ZNF154: variants seen among roughly 807,000 people sequenced by gnomAD.
ZNF154 encodes the protein zinc finger protein 154.
In ZNF154, 6 loss-of-function variants were observed where a neutral mutation model predicts 7.5. The ratio of observed to expected loss-of-function variants is 0.80; its 90% CI spans 0.44 to 1.57. ZNF154 has a LOEUF of 1.57. Ranked by LOEUF, ZNF154 falls within the 40% of genes most tolerant of loss-of-function variation. The pLI is 0.01. For synonymous variants in ZNF154, 187 were observed against 185.9 expected, an observed-to-expected ratio of 1.01 and a Z score of -0.05; for missense variants, 485 against 531.4, an observed-to-expected ratio of 0.91 and a Z score of 0.86.
In ZNF154 at chr19:57,699,476, TG is replaced by T; in HGVS notation, c.*2158del. ...ATTTGGCCCAGGAACTGCTAACGAA[TG>T]TACAGTGCAGTGGTGGTTCAAGAAG... On this transcript the variant is annotated 3_prime_UTR_variant, in exon 3 of 3. Coordinates refer to ENST00000684351, the MANE Select transcript of ZNF154 (RefSeq NM_001085384.3). 1 of 365,536 alleles carries T rather than the reference TG, an allele frequency of 2.7e-6. No homozygotes were observed. Among genetic ancestry groups the T allele is most frequent in the South Asian group, 2.1e-5 (1 of 48,568 alleles). 22.6% of individuals were successfully genotyped at this position (365,536 alleles called of 1,614,324 possible). A position where few individuals can be genotyped will look rare whatever the true frequency, so the allele number is the denominator to read the frequency against.
intron 1 of ZNF154, among the ~76,000 whole-genome samples, chr19:57,706,327 C>G (rs927903171): frequency 6.6e-6 from 1 of 152,136 alleles, no homozygotes; most frequent in Non-Finnish European, 1.5e-5. Flanking sequence ...ATCTCAGATA[C>G]CCATGGCCCT....
In ZNF154 at chr19:57,708,960, G is replaced by A; in HGVS notation, c.12C>T (p.Ala4=). MAA[A]TLRTPTQGTV... The stretch of plus-strand genomic sequence containing the variant: ...TCACCTGAGTTGGCGTCCTCAGAGT[G>A]GCCGCTGCCATCAGACTCTGCGGGT... Residue 4 remains alanine, a synonymous_variant, in exon 1 of 3, where the codon GCC becomes GCT. Coordinates refer to ENST00000684351, the MANE Select transcript of ZNF154 (RefSeq NM_001085384.3). 1 of 1,560,662 alleles carries A rather than the reference G, an allele frequency of 6.4e-7. No homozygotes were observed.
intron 1 of ZNF154, among the ~76,000 whole-genome samples, chr19:57,706,179 C>T (rs749611932): frequency 1.3e-5 from 2 of 152,122 alleles, no homozygotes; most frequent in African/African-American, 2.4e-5. Flanking sequence ...AGAGTATGCT[C>T]GACAGATTCA....
rs762314351 is a variant in ZNF154 at position 57,702,388 on chromosome 19, C to G, written c.561G>C (p.Lys187Asn). The G allele has an allele frequency of 1.2e-6, 2 of 1,612,816 alleles. No individual in the cohort carries two copies. Among genetic ancestry groups the G allele is most frequent in the South Asian group, 2.2e-5 (2 of 91,034 alleles). The change falls in exon 3 of 3, where the codon AAG becomes AAC. Residue 187 changes from lysine (K) to asparagine (N), a missense_variant. Lys to Asn is a moderately conservative substitution (Grantham distance 94). Coordinates refer to ENST00000684351, the MANE Select transcript of ZNF154 (RefSeq NM_001085384.3). Reference protein sequence around the residue: ...NDHWRLHTGEKPYECRECGKS... With the variant: ...NDHWRLHTGENPYECRECGKS... ...TCCCACACTCTCGACATTCATAAGGCTTTTCTCCAGTGTGAAGTCTCCAAT... is the reference window on the plus strand; with the variant it reads ...TCCCACACTCTCGACATTCATAAGGGTTTTCTCCAGTGTGAAGTCTCCAAT...
chr19:57,707,908 A>G (rs1295363173), intron 1 of ZNF154, among the ~76,000 whole-genome samples: 1 of 152,194 alleles, frequency 6.6e-6, no homozygotes, highest in African/African-American at 2.4e-5. Flanking sequence ...TCTCCAGGGC[A>G]CCAGACCCAG....
chr19:57,697,156 T>C lies in ZNF154; in HGVS notation c.*4479A>G, dbSNP rs73575252. Among the ~76,000 whole-genome samples, 3,869 of 152,318 alleles carry C rather than the reference T, an allele frequency of 0.025. 169 individuals are homozygous for C. The highest frequency in any genetic ancestry group is 0.087 in the African/African-American group (3,607 of 41,552). The stretch of plus-strand genomic sequence containing the variant: ...CCTTGCAATTTCTTAGTGGATTGTC[T>C]GTGATGTGCATCACATTCTGGTTTA... On this transcript the variant is annotated 3_prime_UTR_variant, in exon 3 of 3. Coordinates refer to ENST00000684351, the MANE Select transcript of ZNF154 (RefSeq NM_001085384.3).
chr19:57,704,822 C>A, intron 2 of ZNF154, 31 bp downstream of exon 2: 1 of 1,604,178 alleles, frequency 6.2e-7, no homozygotes, highest in Non-Finnish European at 8.5e-7. Flanking sequence ...CAGACTAGCT[C>A]AGGGCACAGG....
Position 57,700,839 on chromosome 19 carries a change from C to G in ZNF154, c.*796G>C, listed in dbSNP as rs1177245475. ...AGCTATATTCTGCCATCCTACTGTCCCTGTCCCTGTCCCTGTTGAGCTACA... is the reference window on the plus strand; with the variant it reads ...AGCTATATTCTGCCATCCTACTGTCGCTGTCCCTGTCCCTGTTGAGCTACA... On this transcript the variant is annotated 3_prime_UTR_variant, in exon 3 of 3. Coordinates refer to ENST00000684351, the MANE Select transcript of ZNF154 (RefSeq NM_001085384.3). 2 of 151,596 alleles carry G rather than the reference C, an allele frequency of 1.3e-5. No homozygotes were observed. Among genetic ancestry groups the G allele is most frequent in the African/African-American group, 4.9e-5 (2 of 41,194 alleles). The allele number at this position is 151,596 out of a possible 1,614,324, so 9.4% of individuals were successfully genotyped here. A position where few individuals can be genotyped will look rare whatever the true frequency, so the allele number is the denominator to read the frequency against.
In ZNF154 at chr19:57,701,795, T is replaced by G; in HGVS notation, c.1154A>C (p.Tyr385Ser). 6.2e-6 allele frequency: 10 copies of G among 1,614,186 alleles called. No homozygotes were observed. The highest frequency in any genetic ancestry group is 8.5e-6 in the Non-Finnish European group (10 of 1,180,032). ...HQRVHTGSRPYECSECGKSFT... is the reference protein window; with the variant it reads ...HQRVHTGSRPSECSECGKSFT... ...GGATTTCCCACATTCACTGCACTCA[T>G]AGGGTCTTGATCCAGTGTGAACTCT... The change falls in exon 3 of 3, where the codon TAT becomes TCT. Residue 385 changes from tyrosine to serine, a missense_variant. Coordinates refer to ENST00000684351, the MANE Select transcript of ZNF154 (RefSeq NM_001085384.3).
chr19:57,705,264 A>G (rs774730871), intron 1 of ZNF154, among the ~76,000 whole-genome samples: 1 of 152,126 alleles, frequency 6.6e-6, no homozygotes, highest in East Asian at 1.9e-4. Flanking sequence ...CATTCTTCAG[A>G]ATACACATCC....
Position 57,702,156 on chromosome 19 carries a change from C to G in ZNF154, c.793G>C (p.Gly265Arg), listed in dbSNP as rs553195427. The change falls in exon 3 of 3, where the codon GGA becomes CGA. Residue 265 changes from glycine to arginine, a missense_variant. Gly to Arg is a moderately radical substitution (Grantham distance 125, BLOSUM62 -2). Transcript: ENST00000684351. ...TAAGGCCTCTCCCCAGTGTGAACTC[C>G]CCGATGTTGAAGGAGTGCAGACCTT... ...SQRSALLQHR[G>R]VHTGERPYEC... 15 of 1,611,858 alleles carry G rather than the reference C, an allele frequency of 9.3e-6. No individual in the cohort carries two copies. Among genetic ancestry groups the G allele is most frequent in the Non-Finnish European group, 1.3e-5 (15 of 1,179,442 alleles).
chr19:57,705,026 G>T, intron 1 of ZNF154, 47 bp from the exon 2 acceptor site: 1 of 1,573,464 alleles, frequency 6.4e-7, no homozygotes. Flanking sequence ...CCTATCCCAA[G>T]GACCCACAAT....
chr19:57,708,939 C>T lies in ZNF154; in HGVS notation c.33G>A (p.Gln11=). MAAATLRTPT[Q]GTVTFEDVAV... ...GAGGACGGGAAGACGCCGCACTCAC[C>T]TGAGTTGGCGTCCTCAGAGTGGCCG... is the stretch of plus-strand genomic sequence containing the variant. The change falls in exon 1 of 3, where the codon CAG becomes CAA. Residue 11 remains glutamine (Q), a splice_region_variant and synonymous_variant. Coordinates refer to ENST00000684351, the MANE Select transcript of ZNF154 (RefSeq NM_001085384.3). 1 of 1,561,254 alleles carries T rather than the reference C, an allele frequency of 6.4e-7. No homozygotes were observed. Among genetic ancestry groups the T allele is most frequent in the Non-Finnish European group, 8.7e-7 (1 of 1,153,216 alleles).
intron 1 of ZNF154, among the ~76,000 whole-genome samples, chr19:57,705,874 T>G (rs1473773423): frequency 2.0e-5 from 3 of 151,408 alleles, no homozygotes; most frequent in Non-Finnish European, 4.4e-5. Context: ...AGAAAAAAAG[T>G]GAATAACCAA....
intron 2 of ZNF154, among the ~76,000 whole-genome samples, chr19:57,703,915 A>G (rs1276183267): frequency 6.6e-6 from 1 of 152,158 alleles, no homozygotes; most frequent in Non-Finnish European, 1.5e-5. Flanking sequence ...AGGCTGAGGC[A>G]GGAGAATTAC....
At chr19:57,708,111 G>C (rs1985466665) in intron 1 of ZNF154, among the ~76,000 whole-genome samples, 2 of 152,126 alleles carry the variant, frequency 1.3e-5, no homozygotes, top group African/African-American at 4.8e-5. Context: ...CTGTAGCCCT[G>C]CCTGGCCCTG....
At position 57,709,157 on chromosome 19, in the gene ZNF154, A is replaced by C. The variant is rs572379115; in HGVS notation, c.-186T>G. The C allele has an allele frequency of 4.0e-5, 29 of 731,570 alleles. No homozygotes were observed. Among genetic ancestry groups the C allele is most frequent in the East Asian group, 3.8e-4 (14 of 36,612 alleles). 45.3% of individuals were successfully genotyped at this position (731,570 alleles called of 1,614,324 possible). A position where few individuals can be genotyped will look rare whatever the true frequency, so the allele number is the denominator to read the frequency against. On this transcript the variant is annotated 5_prime_UTR_variant, in exon 1 of 3. Coordinates refer to ENST00000684351, the MANE Select transcript of ZNF154 (RefSeq NM_001085384.3). ...CGTGGCCCCAACTCGGCGCTCTGCT[A>C]TCTCTGATCCGGTGAACACACCTCA...
Position 57,699,091 on chromosome 19 carries a change from C to G in ZNF154, c.*2544G>C, listed in dbSNP as rs1171502009. On this transcript the variant is annotated 3_prime_UTR_variant, in exon 3 of 3. Transcript: ENST00000684351. ...ACAGGTGTAAGCCACCGCATCTGGC[C>G]TCTTTTTTTTGAGACGGAGTCTTGT... 1 of 148,718 alleles carries G rather than the reference C, an allele frequency of 6.7e-6. No individual in the cohort carries two copies. The highest frequency in any genetic ancestry group is 1.5e-5 in the Non-Finnish European group (1 of 67,330). 9.2% of individuals were successfully genotyped at this position (148,718 alleles called of 1,614,324 possible). A position where few individuals can be genotyped will look rare whatever the true frequency, so the allele number is the denominator to read the frequency against.
At position 57,697,106 on chromosome 19, in the gene ZNF154, A is replaced by T. The variant is rs1185405491; in HGVS notation, c.*4529T>A. Among the ~76,000 whole-genome samples the T allele has an allele frequency of 6.6e-6, 1 of 152,232 alleles. No individual in the cohort carries two copies. The highest frequency in any genetic ancestry group is 1.5e-5 in the Non-Finnish European group (1 of 68,046). ...TAATGGGCTACATCTGCTAGGCCAT[A>T]TGAAGGAGTGAGGCTTTTTTCTTAC... On this transcript the variant is annotated 3_prime_UTR_variant, in exon 3 of 3. Transcript: ENST00000684351.
Sources: allele counts gnomAD v4.1 joint callset (sites outside exome capture counted in the v4.1 genomes callset), GRCh38; gene constraint gnomAD v4.1.1; transcripts MANE v1.5; gene names NCBI Gene and HGNC (gene_info 2026-07-23, HGNC 2026-07-21).